Variants in CORO2B observed in about 807,000 individuals in gnomAD.
The protein encoded by CORO2B is coronin 2B, also known as coronin-2B.
In CORO2B, 26 loss-of-function variants were observed where a neutral mutation model predicts 58.8. The observed-to-expected ratio is 0.44, with a 90% confidence interval of 0.32 to 0.61. The LOEUF is 0.61. Among genes scored for constraint, CORO2B ranks in the 20% least tolerant of loss-of-function variants. CORO2B has a pLI of 0.04. For synonymous variants in CORO2B, 242 were observed against 253.8 expected (o/e 0.95, Z 0.44); for missense variants, 460 against 645.1 (o/e 0.71, Z 3.11).
At chr15:68,661,251 T>A (rs1384093476) in intron 2 of CORO2B, among the ~76,000 whole-genome samples, 1 of 152,216 alleles carries the variant, frequency 6.6e-6, no homozygotes, top group Non-Finnish European at 1.5e-5. Context: ...GTGCTGGGAT[T>A]ATAGGCGTGA....
At chr15:68,624,208 C>T (rs923219429) in intron 1 of CORO2B, among the ~76,000 whole-genome samples, 6 of 152,258 alleles carry the variant, frequency 3.9e-5, no homozygotes, top group South Asian at 4.1e-4. Flanking sequence ...CTACCAATGT[C>T]GGCTATTAGA....
chr15:68,666,518 TTCTC>T (rs1453836528), intron 2 of CORO2B, among the ~76,000 whole-genome samples: 1 of 152,178 alleles, frequency 6.6e-6, no homozygotes, highest in African/African-American at 2.4e-5. Context: ...GGAATTTCCT[TTCTC>T]TTTCTTTCTG....
At chr15:68,545,617 G>C in the CORO2B span, among the ~76,000 whole-genome samples, 8 of 151,526 alleles carry the variant, frequency 5.3e-5, 1 homozygote, top group South Asian at 4.2e-4. Flanking sequence ...GGGGGCGGGG[G>C]GGGTAATACT....
At chr15:68,641,602 T>G (rs960012678) in intron 1 of CORO2B, 3 of 985,252 alleles carry the variant, frequency 3.0e-6, no homozygotes, top group African/African-American at 3.5e-5. Context: ...AAGTGTGGAC[T>G]TTGCCGGGTG....
chr15:68,540,269 T>G, the CORO2B span, among the ~76,000 whole-genome samples: 3 of 152,224 alleles, frequency 2.0e-5, no homozygotes, highest in South Asian at 2.1e-4. Context: ...ATACAATATT[T>G]AAAAAACAAC....
intron 1 of CORO2B, among the ~76,000 whole-genome samples, chr15:68,643,573 C>T (rs1901325163): frequency 6.6e-6 from 1 of 152,064 alleles, no homozygotes; most frequent in East Asian, 1.9e-4. Flanking sequence ...TGGAGGGCAA[C>T]CTTGGGAAGT....
the CORO2B span, among the ~76,000 whole-genome samples, chr15:68,528,239 T>G: frequency 1.3e-5 from 2 of 152,162 alleles, no homozygotes; most frequent in Non-Finnish European, 2.9e-5. Context: ...CATATAGTCT[T>G]TAACCTTAAA....
the CORO2B span, among the ~76,000 whole-genome samples, chr15:68,561,750 T>C: frequency 1.3e-5 from 2 of 152,064 alleles, no homozygotes; most frequent in Middle Eastern, 3.4e-3. Context: ...AGTATGCAAA[T>C]ATGTGCAGGG....
At chr15:68,602,005 A>C (rs1899996855) in intron 1 of CORO2B, among the ~76,000 whole-genome samples, 1 of 147,930 alleles carries the variant, frequency 6.8e-6, no homozygotes, top group Non-Finnish European at 1.5e-5. Flanking sequence ...CACGATGGGA[A>C]GGCTTTTTTT....
chr15:68,581,957 G>C (rs956250884), intron 1 of CORO2B, among the ~76,000 whole-genome samples: 1 of 152,166 alleles, frequency 6.6e-6, no homozygotes, highest in Non-Finnish European at 1.5e-5. Context: ...AGAGTCCTCT[G>C]GGCCAGGGTT....
intron 2 of CORO2B, among the ~76,000 whole-genome samples, chr15:68,686,001 A>G (rs909699026): frequency 1.3e-5 from 2 of 148,538 alleles, no homozygotes; most frequent in African/African-American, 5.0e-5. Context: ...CGCACTAGAA[A>G]TGTTGAGCTC....
chr15:68,536,604 G>A, the CORO2B span, among the ~76,000 whole-genome samples: 3 of 152,124 alleles, frequency 2.0e-5, no homozygotes, highest in African/African-American at 7.2e-5. Flanking sequence ...GTGATACTTT[G>A]GTATGTCAAA....
chr15:68,571,549 T>C, the CORO2B span, among the ~76,000 whole-genome samples: 9 of 152,216 alleles, frequency 5.9e-5, no homozygotes, highest in African/African-American at 1.7e-4. Context: ...TAAACAAATA[T>C]GTTACTACCT....
intron 8 of CORO2B, 60 bp from the exon 9 acceptor site, chr15:68,718,638 G>A (rs1893087467): frequency 7.3e-7 from 1 of 1,376,770 alleles, no homozygotes; most frequent in Non-Finnish European, 1.0e-6. Flanking sequence ...ACATCATGGG[G>A]TGATGTCACT....
At chr15:68,656,169 TC>T (rs1490644210) in intron 2 of CORO2B, among the ~76,000 whole-genome samples, 7 of 20,220 alleles carry the variant, frequency 3.5e-4, no homozygotes, top group Non-Finnish European at 7.1e-4. Context: ...CCTCGCACCG[TC>T]CCCCCCGCCC....
chr15:68,645,370 C>G lies in CORO2B; in HGVS notation c.216+10C>G. ...CATCCCCCTGGAGCAGGTAGGTGGCCCCTACCTTCACTCCAGCTGCAGCTC... is the reference window on the plus strand; with the variant it reads ...CATCCCCCTGGAGCAGGTAGGTGGCGCCTACCTTCACTCCAGCTGCAGCTC... On this transcript the variant is annotated intron_variant, in intron 2 of 11. Transcript: ENST00000261861. The surrounding 1 kb of genome is among the most constrained non-coding windows in gnomAD (Gnocchi z 4.5). The G allele has an allele frequency of 1.2e-6, 2 of 1,608,086 alleles. No individual in the cohort carries two copies. Among genetic ancestry groups the G allele is most frequent in the Non-Finnish European group, 1.7e-6 (2 of 1,179,248 alleles).
At chr15:68,540,507 A>G in the CORO2B span, among the ~76,000 whole-genome samples, 1 of 152,230 alleles carries the variant, frequency 6.6e-6, no homozygotes, top group African/African-American at 2.4e-5. Flanking sequence ...CTGTTTTTCA[A>G]GCAAAACCAG....
intron 7 of CORO2B, among the ~76,000 whole-genome samples, 196 bp from the exon 8 acceptor site, chr15:68,715,019 C>G (rs1385820496): frequency 6.6e-6 from 1 of 152,192 alleles, no homozygotes; most frequent in Non-Finnish European, 1.5e-5. Context: ...CACATCAGCC[C>G]ATCCACCTCC....
chr15:68,595,441 C>T (rs1306124095), intron 1 of CORO2B, among the ~76,000 whole-genome samples: 1 of 152,232 alleles, frequency 6.6e-6, no homozygotes, highest in African/African-American at 2.4e-5. Context: ...GATATAGAAG[C>T]CTGTGGCTCC....
Sources: gnomAD v4.1 joint callset for allele counts (sites outside exome capture counted in the v4.1 genomes callset) on GRCh38, gnomAD v4.1.1 for gene constraint, Gnocchi (gnomAD v3.1) non-coding constraint, MANE v1.5 for transcripts, NCBI Gene and HGNC (gene_info 2026-07-23, HGNC 2026-07-21) for gene names.